Variants in CNTNAP2 observed in about 807,000 individuals in gnomAD.
The protein encoded by CNTNAP2 is contactin-associated protein-like 2.
A neutral mutation model predicts 155.2 loss-of-function variants in CNTNAP2; 98 were observed. That is an observed-to-expected ratio of 0.63 (90% CI 0.54 to 0.75). CNTNAP2 has a LOEUF of 0.75. Among genes scored for constraint, CNTNAP2 ranks in the 30% least tolerant of loss-of-function variants. The pLI, the probability that CNTNAP2 is intolerant of heterozygous loss-of-function variation, is 0.00. For synonymous variants in CNTNAP2, 651 were observed against 631.2 expected, an observed-to-expected ratio of 1.03 and a Z score of -0.47; for missense variants, 1,727 against 1,688.1, an observed-to-expected ratio of 1.02 and a Z score of -0.40.
At chr7:148,410,866 C>A (rs6954085) in intron 23 of CNTNAP2, among the ~76,000 whole-genome samples, 86,834 of 151,318 alleles carry the variant, frequency 0.57, 25,561 homozygotes, top group African/African-American at 0.66. Context: ...GAACAAGTTC[C>A]GGGTTTGCTA....
At chr7:146,167,946 T>C in intron 1 of CNTNAP2, among the ~76,000 whole-genome samples, 1 of 152,146 alleles carries the variant, frequency 6.6e-6, no homozygotes, top group Non-Finnish European at 1.5e-5. Context: ...GGCAAACCAC[T>C]GGTGTTTCAG....
chr7:147,766,894 G>T (rs1201008420), intron 13 of CNTNAP2, among the ~76,000 whole-genome samples: 1 of 151,910 alleles, frequency 6.6e-6, no homozygotes, highest in Non-Finnish European at 1.5e-5. Context: ...TTTATTGAAA[G>T]ATTTCAGATT....
intron 4 of CNTNAP2, among the ~76,000 whole-genome samples, chr7:147,068,060 A>G (rs1352474065): frequency 2.0e-5 from 3 of 152,218 alleles, no homozygotes; most frequent in Non-Finnish European, 4.4e-5. Context: ...TCGCAGCTAT[A>G]GAACTCAGGA....
intron 13 of CNTNAP2, among the ~76,000 whole-genome samples, chr7:147,852,655 A>T (rs1460457969): frequency 6.6e-6 from 1 of 152,216 alleles, no homozygotes; most frequent in Non-Finnish European, 1.5e-5. Context: ...GGCTAATTTC[A>T]AATCTGTACC....
intron 13 of CNTNAP2, among the ~76,000 whole-genome samples, chr7:147,863,290 T>C (rs995667895): frequency 2.6e-5 from 4 of 152,206 alleles, no homozygotes; most frequent in African/African-American, 7.2e-5. Flanking sequence ...TAGTATTCCA[T>C]GGGGTATATA....
At chr7:146,911,357 G>A (rs1171091105) in intron 3 of CNTNAP2, among the ~76,000 whole-genome samples, 1 of 151,994 alleles carries the variant, frequency 6.6e-6, no homozygotes, top group Non-Finnish European at 1.5e-5. Flanking sequence ...ACATGCACAC[G>A]TATGTTTATC....
chr7:148,314,269 C>T (rs1406978714), intron 21 of CNTNAP2, among the ~76,000 whole-genome samples: 1 of 151,976 alleles, frequency 6.6e-6, no homozygotes, highest in Non-Finnish European at 1.5e-5. Flanking sequence ...AGGGAGGGAC[C>T]GATGTGTAAA....
At chr7:146,785,837 G>A (rs1470062945) in intron 2 of CNTNAP2, among the ~76,000 whole-genome samples, 2 of 152,204 alleles carry the variant, frequency 1.3e-5, no homozygotes, top group African/African-American at 4.8e-5. Flanking sequence ...GATAAAGCAT[G>A]CCTTTCTTAT....
chr7:147,305,025 A>T (rs1351288630), intron 9 of CNTNAP2, among the ~76,000 whole-genome samples: 1 of 152,102 alleles, frequency 6.6e-6, no homozygotes, highest in African/African-American at 2.4e-5. Flanking sequence ...TTATGAGTGC[A>T]CCAGTCCCAT....
In CNTNAP2 at chr7:146,909,100, C is replaced by A. The variant is rs1021953912; in HGVS notation, c.402+69196C>A. On this transcript the variant is annotated intron_variant, in intron 3 of 23. Coordinates refer to ENST00000361727, the MANE Select transcript of CNTNAP2 (RefSeq NM_014141.6). ...CACATACACTCTCCCAAGACTAAACCAGGAAGAAGTTGAATCTCTGAATAG... is the reference window on the plus strand; with the variant it reads ...CACATACACTCTCCCAAGACTAAACAAGGAAGAAGTTGAATCTCTGAATAG... Among the ~76,000 whole-genome samples the A allele has an allele frequency of 3.4e-3, 516 of 152,092 alleles. 7 individuals are homozygous for A. Among genetic ancestry groups the A allele is most frequent in the African/African-American group, 0.011 (468 of 41,448 alleles).
In CNTNAP2 at chr7:147,263,183, C is replaced by T. The variant is rs898794480; in HGVS notation, c.1349-36958C>T. Among the ~76,000 whole-genome samples, 8 of 151,930 alleles carry T rather than the reference C, an allele frequency of 5.3e-5. No homozygotes were observed. The South Asian group carries it at 1.7e-3, about 32-fold the overall frequency. On this transcript the variant is annotated intron_variant, in intron 8 of 23. Transcript: ENST00000361727. Reference sequence around the variant, plus strand: ...GCAATATGGCAAAACCTCATCTCTACAAAAAGTGCAAAAGGTTAGCCAGGC... The same window carrying T: ...GCAATATGGCAAAACCTCATCTCTATAAAAAGTGCAAAAGGTTAGCCAGGC...
At chr7:147,836,275 C>T (rs1047531479) in intron 13 of CNTNAP2, among the ~76,000 whole-genome samples, 4 of 152,126 alleles carry the variant, frequency 2.6e-5, no homozygotes, top group Non-Finnish European at 1.5e-5. Flanking sequence ...AGCCTAAAGA[C>T]TCTGTCAACA....
chr7:146,753,941 T>C (rs562296015), intron 1 of CNTNAP2, among the ~76,000 whole-genome samples: 4 of 152,190 alleles, frequency 2.6e-5, no homozygotes, highest in Non-Finnish European at 4.4e-5. Context: ...CCATAATTTA[T>C]AGGTATTATG....
At chr7:147,429,628 A>G (rs1218034725) in intron 10 of CNTNAP2, among the ~76,000 whole-genome samples, 1 of 151,958 alleles carries the variant, frequency 6.6e-6, no homozygotes, top group Non-Finnish European at 1.5e-5. Flanking sequence ...CTTGGTCATG[A>G]TCTTTTTGCC....
intron 1 of CNTNAP2, among the ~76,000 whole-genome samples, chr7:146,139,799 T>C (rs1797852213): frequency 6.6e-6 from 1 of 152,212 alleles, no homozygotes; most frequent in African/African-American, 2.4e-5. Context: ...TCCATAAACA[T>C]CAGTTTTCTC....
chr7:147,242,721 CTA>C, intron 8 of CNTNAP2, among the ~76,000 whole-genome samples: 1 of 152,168 alleles, frequency 6.6e-6, no homozygotes, highest in East Asian at 1.9e-4. Context: ...TAATTTGGAA[CTA>C]TTTAAAAATA....
At chr7:147,387,106 T>C (rs1796638074) in intron 9 of CNTNAP2, among the ~76,000 whole-genome samples, 1 of 152,038 alleles carries the variant, frequency 6.6e-6, no homozygotes, top group Non-Finnish European at 1.5e-5. Context: ...CATGACTCAA[T>C]TACCTCCCAC....
intron 15 of CNTNAP2, among the ~76,000 whole-genome samples, chr7:148,019,173 C>T (rs1050564726): frequency 9.2e-5 from 14 of 152,186 alleles, no homozygotes; most frequent in African/African-American, 2.7e-4. Context: ...ATTCCCACTG[C>T]ATTTTCTTTA....
chr7:146,535,161 T>G (rs11768017), intron 1 of CNTNAP2, among the ~76,000 whole-genome samples: 23 of 3,734 alleles, frequency 6.2e-3, no homozygotes, highest in Non-Finnish European at 7.4e-3. Context: ...TATAATATAT[T>G]ATATTATATC....
Sources: gnomAD v4.1 joint callset for allele counts (sites outside exome capture counted in the v4.1 genomes callset) on GRCh38, gnomAD v4.1.1 for gene constraint, MANE v1.5 for transcripts, NCBI Gene and HGNC (gene_info 2026-07-23, HGNC 2026-07-21) for gene names.